Variants in SHTN1 observed in about 807,000 individuals in gnomAD.
SHTN1 encodes the protein shootin 1, also known as shootin-1.
SHTN1 carries 42 observed loss-of-function variants against 83.1 expected under a neutral mutation model. The ratio of observed to expected loss-of-function variants is 0.51; its 90% CI spans 0.39 to 0.65. The LOEUF is 0.65. Among genes scored for constraint, SHTN1 ranks in the 30% least tolerant of loss-of-function variants. The pLI is 0.00. For synonymous variants in SHTN1, 224 were observed against 247.7 expected (o/e 0.90, Z 0.90); for missense variants, 622 against 737.8 (o/e 0.84, Z 1.82).
chr10:117,094,683 T>C (rs1195343143), intron 1 of SHTN1, among the ~76,000 whole-genome samples: 1 of 152,190 alleles, frequency 6.6e-6, no homozygotes, highest in East Asian at 1.9e-4. Flanking sequence ...GAAATGTAAA[T>C]ATATATTATC....
chr10:116,954,643 T>C (rs1435246181), intron 4 of SHTN1, among the ~76,000 whole-genome samples: 1 of 152,158 alleles, frequency 6.6e-6, no homozygotes, highest in Non-Finnish European at 1.5e-5. Flanking sequence ...TTCCACATGA[T>C]TTCAATGGGA....
chr10:116,945,054 T>A, intron 7 of SHTN1, 36 bp from the exon 8 acceptor site: 1 of 1,219,074 alleles, frequency 8.2e-7, no homozygotes, highest in Non-Finnish European at 1.2e-6. Context: ...ACCCAGACAA[T>A]AAGTCACACA....
chr10:116,989,603 C>T (rs935689689), intron 1 of SHTN1, among the ~76,000 whole-genome samples: 1 of 152,156 alleles, frequency 6.6e-6, no homozygotes, highest in African/African-American at 2.4e-5. Context: ...ATCAGCTCAG[C>T]AATGGCACCA....
intron 1 of SHTN1, among the ~76,000 whole-genome samples, chr10:116,988,999 T>C (rs1851321119): frequency 6.6e-6 from 1 of 152,138 alleles, no homozygotes. Context: ...ATACATATAT[T>C]TTTTGGATCC....
chr10:117,070,661 T>G (rs914811744), intron 1 of SHTN1, among the ~76,000 whole-genome samples: 2 of 151,382 alleles, frequency 1.3e-5, no homozygotes, highest in Non-Finnish European at 2.9e-5. Flanking sequence ...ACTCAGGTTC[T>G]TGAGATCACG....
At chr10:117,047,424 C>T (rs747482966) in intron 2 of SHTN1, among the ~76,000 whole-genome samples, 1 of 152,078 alleles carries the variant, frequency 6.6e-6, no homozygotes, top group Non-Finnish European at 1.5e-5. Flanking sequence ...AATGATTAAT[C>T]ATCTATTATG....
At chr10:117,041,736 C>T (rs957885219) in intron 2 of SHTN1, among the ~76,000 whole-genome samples, 1 of 152,144 alleles carries the variant, frequency 6.6e-6, no homozygotes, top group Non-Finnish European at 1.5e-5. Flanking sequence ...TAAATATCTA[C>T]CGCTAGCCCA....
intron 2 of SHTN1, among the ~76,000 whole-genome samples, chr10:117,018,775 G>C (rs1852221150): frequency 6.6e-6 from 1 of 151,964 alleles, no homozygotes; most frequent in African/African-American, 2.4e-5. Flanking sequence ...TTTTCACCAT[G>C]TTGGCCAGGC....
chr10:117,100,849 A>T (rs568092840), intron 1 of SHTN1, among the ~76,000 whole-genome samples: 1 of 152,350 alleles, frequency 6.6e-6, no homozygotes, highest in South Asian at 2.1e-4. Context: ...TTATGCAAAG[A>T]TTCTGAGGTG....
At chr10:116,990,287 C>CTTTTTTTTTTTTTTTTTTTTT (rs11399364) in intron 1 of SHTN1, among the ~76,000 whole-genome samples, 2 of 119,920 alleles carry the variant, frequency 1.7e-5, no homozygotes, top group African/African-American at 3.2e-5. Context: ...TTTTTTCTTT[C>CTTTTTTTTTTTTTTTTTTTTT]TTTTTTTTTT....
intron 1 of SHTN1, among the ~76,000 whole-genome samples, chr10:117,067,643 A>G (rs1218290654): frequency 6.6e-6 from 1 of 152,142 alleles, no homozygotes; most frequent in Non-Finnish European, 1.5e-5. Flanking sequence ...TCAATCAATC[A>G]ATCAATCCCT....
chr10:116,942,739 T>C (rs1322136499), intron 8 of SHTN1, among the ~76,000 whole-genome samples: 1 of 152,218 alleles, frequency 6.6e-6, no homozygotes, highest in African/African-American at 2.4e-5. Context: ...ATAAAGTAAA[T>C]TAACCTTAAA....
intron 1 of SHTN1, among the ~76,000 whole-genome samples, chr10:117,110,378 A>AGTCTC (rs1853747877): frequency 6.6e-6 from 1 of 152,068 alleles, no homozygotes; most frequent in Non-Finnish European, 1.5e-5. Context: ...GTTGAGACGG[A>AGTCTC]GTCTCGCTCT....
At chr10:116,999,649 T>C (rs890358635) in intron 1 of SHTN1, among the ~76,000 whole-genome samples, 4 of 152,238 alleles carry the variant, frequency 2.6e-5, no homozygotes, top group Non-Finnish European at 5.9e-5. Flanking sequence ...GTGCGGTGGC[T>C]CACGCCTGTA....
intron 1 of SHTN1, among the ~76,000 whole-genome samples, chr10:117,075,877 G>C (rs1332849014): frequency 1.4e-4 from 21 of 152,134 alleles, no homozygotes; most frequent in Admixed American, 1.4e-3. Context: ...AGGATGATTT[G>C]TATTTTAGAA....
At chr10:116,925,219 T>G (rs1848704863) in intron 11 of SHTN1, among the ~76,000 whole-genome samples, 1 of 152,218 alleles carries the variant, frequency 6.6e-6, no homozygotes, top group South Asian at 2.1e-4. Flanking sequence ...ATCAGTAGAC[T>G]GAGTAAAGCA....
chr10:116,908,845 T>C (rs1459278570), intron 14 of SHTN1, among the ~76,000 whole-genome samples: 2 of 152,194 alleles, frequency 1.3e-5, no homozygotes, highest in African/African-American at 4.8e-5. Flanking sequence ...AAGGAATCCA[T>C]TTTCCATGTT....
At chr10:116,946,746 CTA>C (rs1466899623) in intron 7 of SHTN1, among the ~76,000 whole-genome samples, 3 of 149,944 alleles carry the variant, frequency 2.0e-5, no homozygotes, top group Admixed American at 6.7e-5. Context: ...TGGAGTCTCA[CTA>C]TGTCTGTCGC....
At chr10:117,007,903 G>C (rs1852046730), upstream of SHTN1, among the ~76,000 whole-genome samples, 1 of 151,718 alleles carries the variant, frequency 6.6e-6, no homozygotes, top group Admixed American at 6.6e-5. Context: ...AGCTACTCGG[G>C]AGGCTGAGGC....
Sources: allele counts gnomAD v4.1 joint callset (sites outside exome capture counted in the v4.1 genomes callset), GRCh38; gene constraint gnomAD v4.1.1; transcripts MANE v1.5; gene names NCBI Gene and HGNC (gene_info 2026-07-23, HGNC 2026-07-21).